The following MAN1A2 variants were observed in gnomAD, a reference collection of about 807,000 sequenced individuals.
MAN1A2 encodes mannosyl-oligosaccharide 1,2-alpha-mannosidase IB.
In MAN1A2, 26 loss-of-function variants were observed where a neutral mutation model predicts 75.7. The observed-to-expected ratio is 0.34, with a 90% CI of 0.25 to 0.48. The LOEUF (loss-of-function observed/expected upper bound fraction) is 0.48, where lower values mean the gene tolerates loss of function less well. MAN1A2 is among the 20% of genes least tolerant of loss of function. The probability of loss-of-function intolerance (pLI) is 0.99; values close to 1 mark genes in which losing one functional copy is unlikely to be tolerated. For synonymous variants in MAN1A2, 247 were observed against 264.6 expected (o/e 0.93, Z 0.65); for missense variants, 562 against 775.5 (o/e 0.72, Z 3.27).
At chr1:117,514,429 G>A (rs943467348) in intron 12 of MAN1A2, among the ~76,000 whole-genome samples, 2 of 151,794 alleles carry the variant, frequency 1.3e-5, no homozygotes, top group Non-Finnish European at 2.9e-5. Flanking sequence ...GGGAAAACTA[G>A]TAAATTATCC....
At chr1:117,399,993 T>C (rs1334125880) in intron 1 of MAN1A2, among the ~76,000 whole-genome samples, 2 of 152,100 alleles carry the variant, frequency 1.3e-5, no homozygotes, top group African/African-American at 4.8e-5. Flanking sequence ...GTTGGTAAAA[T>C]GTGGGGCTGG....
Position 117,442,263 on chromosome 1 carries a change from G to T in MAN1A2, c.888G>T (p.Glu296Asp). 6.2e-7 allele frequency: 1 copy of T among 1,612,150 alleles called. No homozygotes were observed. Among genetic ancestry groups the T allele is most frequent in the Non-Finnish European group, 8.5e-7 (1 of 1,178,268 alleles). ...IFKIKAVQLAEKLLPAFNTPT... is the reference protein window; with the variant it reads ...IFKIKAVQLADKLLPAFNTPT... ...AGATTAAAGCAGTGCAATTGGCTGA[G>T]AAACTCCTTCCTGCCTTTAACACAC... Residue 296 changes from glutamate to aspartate, a missense_variant, in exon 6 of 13, where the codon GAG becomes GAT. Glu to Asp is a conservative substitution (Grantham distance 45). Transcript: ENST00000356554.
Position 117,368,433 on chromosome 1 carries a change from G to T in MAN1A2, c.250G>T (p.Ala84Ser), listed in dbSNP as rs1458153233. 2 of 1,613,698 alleles carry T rather than the reference G, an allele frequency of 1.2e-6. No homozygotes were observed. Among genetic ancestry groups the T allele is most frequent in the East Asian group, 2.2e-5 (1 of 44,888 alleles). ...TCCACATGTAGATGCCGGTAAAGGG[G>T]CTAAAAACCCCGGAGTCTTCCTGAT... ...LIPHVDAGKGAKNPGVFLIHG... is the reference protein window; with the variant it reads ...LIPHVDAGKGSKNPGVFLIHG... Residue 84 changes from alanine to serine, a missense_variant, in exon 1 of 13, where the codon GCT becomes TCT. Physicochemically the swap from Ala to Ser is moderately conservative, Grantham distance 99. Coordinates refer to ENST00000356554, the MANE Select transcript of MAN1A2 (RefSeq NM_006699.5).
chr1:117,441,043 T>C (rs951884114), intron 5 of MAN1A2, among the ~76,000 whole-genome samples: 1 of 152,206 alleles, frequency 6.6e-6, no homozygotes, highest in Non-Finnish European at 1.5e-5. Context: ...AAGTAGATAT[T>C]GAAGGAAATG....
At chr1:117,389,321 G>A (rs1039811660) in intron 1 of MAN1A2, among the ~76,000 whole-genome samples, 4 of 152,186 alleles carry the variant, frequency 2.6e-5, no homozygotes, top group African/African-American at 9.7e-5. Context: ...AGTGGGTGGG[G>A]TGGGGGATGA....
In MAN1A2 at chr1:117,433,664, C is replaced by CT. The variant is rs1044223680; in HGVS notation, c.856-8560dup. Among the ~76,000 whole-genome samples, 4 of 152,084 alleles carry CT rather than the reference C, an allele frequency of 2.6e-5. No homozygotes were observed. In the South Asian group the frequency reaches 6.2e-4, roughly 24 times the overall value. ...GCAAATAATGACAGTTGTACTTCTC[C>CT]TTTTTTTCTAAATTCTGTGTAGCCA... On this transcript the variant is annotated intron_variant, in intron 5 of 12. Transcript: ENST00000356554.
At chr1:117,381,757 C>A (rs1317167706) in intron 1 of MAN1A2, among the ~76,000 whole-genome samples, 1 of 152,014 alleles carries the variant, frequency 6.6e-6, no homozygotes, top group Non-Finnish European at 1.5e-5. Context: ...TGAGGAATCG[C>A]CACACTGATT....
At position 117,414,691 on chromosome 1, in the gene MAN1A2, A is replaced by AT. The variant is rs762100556; in HGVS notation, c.656-15dup. 29 of 1,287,906 alleles carry AT rather than the reference A, an allele frequency of 2.3e-5. No individual in the cohort carries two copies. The Admixed American group carries it at 4.1e-4, about 18-fold the overall frequency. 79.8% of individuals were successfully genotyped at this position (1,287,906 alleles called of 1,614,324 possible). Reference sequence around the variant, plus strand: ...ACCTAAAGGGATCTTTTTAATGATAATTTTTTTCTTCCCAAATATAGGAAG... The same window carrying AT: ...ACCTAAAGGGATCTTTTTAATGATAATTTTTTTTCTTCCCAAATATAGGAAG... On this transcript the variant is annotated intron_variant, in intron 3 of 12. Coordinates refer to ENST00000356554, the MANE Select transcript of MAN1A2 (RefSeq NM_006699.5).
At chr1:117,418,765 G>C (rs1648094681) in intron 4 of MAN1A2, among the ~76,000 whole-genome samples, 1 of 151,932 alleles carries the variant, frequency 6.6e-6, no homozygotes, top group Admixed American at 6.6e-5. Context: ...TGTCCCTCTA[G>C]AATTTCTGAT....
chr1:117,495,319 CA>C (rs1277399508), intron 9 of MAN1A2, among the ~76,000 whole-genome samples: 1 of 151,520 alleles, frequency 6.6e-6, no homozygotes, highest in Non-Finnish European at 1.5e-5. Context: ...GACATGATCT[CA>C]AGTATGCAGT....
At chr1:117,434,318 G>A (rs1468991003) in intron 5 of MAN1A2, among the ~76,000 whole-genome samples, 2 of 152,138 alleles carry the variant, frequency 1.3e-5, no homozygotes, top group African/African-American at 4.8e-5. Flanking sequence ...GCAATAAAAT[G>A]TACCTATGTT....
chr1:117,414,635 A>T (rs1328888354), intron 3 of MAN1A2, 78 bp from the exon 4 acceptor site: 2 of 723,878 alleles, frequency 2.8e-6, no homozygotes, highest in Admixed American at 4.2e-5. Flanking sequence ...ATGTGAAGGG[A>T]ATCTTTTTTT....
At chr1:117,458,888 C>T (rs1406564800) in intron 6 of MAN1A2, among the ~76,000 whole-genome samples, 1 of 152,068 alleles carries the variant, frequency 6.6e-6, no homozygotes, top group Non-Finnish European at 1.5e-5. Flanking sequence ...GTCTAGAGTT[C>T]TTGTAGGAAT....
intron 4 of MAN1A2, among the ~76,000 whole-genome samples, chr1:117,417,706 A>ACACTCTCTCT: frequency 7.0e-6 from 1 of 143,598 alleles, no homozygotes; most frequent in African/African-American, 2.6e-5. Flanking sequence ...ACACACACAC[A>ACACTCTCTCT]CTCTCTCTCT....
At position 117,367,589 on chromosome 1, in the gene MAN1A2, C is replaced by T. The variant is rs1360530690; in HGVS notation, c.-595C>T. On this transcript the variant is annotated 5_prime_UTR_variant, in exon 1 of 13. Transcript: ENST00000356554. ...GGCGCCAGGTTCCTGCCAGGCAGCG[C>T]CGGGAAGCGCGGGCGGCCGAGAACT... 1 of 152,346 alleles carries T rather than the reference C, an allele frequency of 6.6e-6. No individual in the cohort carries two copies. The highest frequency in any genetic ancestry group is 6.5e-5 in the Admixed American group (1 of 15,292). The allele number at this position is 152,346 out of a possible 1,614,324, so 9.4% of individuals were successfully genotyped here. A position where few individuals can be genotyped will look rare whatever the true frequency, so the allele number is the denominator to read the frequency against.
chr1:117,481,977 T>G (rs1453704716), intron 8 of MAN1A2, among the ~76,000 whole-genome samples: 1 of 151,866 alleles, frequency 6.6e-6, no homozygotes, highest in Non-Finnish European at 1.5e-5. Flanking sequence ...GATGACAAAA[T>G]TTGCCCTATA....
At chr1:117,426,598 G>GAT (rs1557945092) in intron 5 of MAN1A2, among the ~76,000 whole-genome samples, 1 of 152,098 alleles carries the variant, frequency 6.6e-6, no homozygotes, top group Non-Finnish European at 1.5e-5. Context: ...TGGGCCAATT[G>GAT]ATATAACAAA....
intron 8 of MAN1A2, among the ~76,000 whole-genome samples, chr1:117,474,205 A>G (rs1650247536): frequency 6.6e-6 from 1 of 151,988 alleles, no homozygotes; most frequent in South Asian, 2.1e-4. Flanking sequence ...GAATATATAT[A>G]TGTATACTTT....
intron 6 of MAN1A2, 88 bp from the exon 7 acceptor site, chr1:117,460,401 G>A (rs778476181): frequency 4.0e-5 from 32 of 809,404 alleles, no homozygotes; most frequent in Non-Finnish European, 6.0e-5. Context: ...ATTTATAAGA[G>A]ATCTATTTAA....
Sources: allele counts gnomAD v4.1 joint callset (sites outside exome capture counted in the v4.1 genomes callset), GRCh38; gene constraint gnomAD v4.1.1; transcripts MANE v1.5; gene names NCBI Gene and HGNC (gene_info 2026-07-23, HGNC 2026-07-21).